Variants in UNC5C observed in about 807,000 individuals in gnomAD.
UNC5C encodes the protein unc-5 netrin receptor C.
Under a neutral mutation model 99.8 loss-of-function variants are expected in UNC5C, and 47 were observed. The ratio of observed to expected loss-of-function variants is 0.47; its 90% CI spans 0.37 to 0.60. The LOEUF (loss-of-function observed/expected upper bound fraction) is 0.60, where lower values mean the gene tolerates loss of function less well. Among genes scored for constraint, UNC5C ranks in the 20% least tolerant of loss-of-function variants. The pLI is 0.00. For synonymous variants in UNC5C, 487 were observed against 452.2 expected (o/e 1.08, Z -0.98); for missense variants, 1,062 against 1,165.9 (o/e 0.91, Z 1.30).
rs1207191020 is a variant in UNC5C at position 95,168,005 on chromosome 4, G to A, written c.*1229C>T. On this transcript the variant is annotated 3_prime_UTR_variant, in exon 16 of 16. Transcript: ENST00000453304. The stretch of plus-strand genomic sequence containing the variant: ...AAGGTGGCGCAACAAGACAGTGACA[G>A]ACCCACAATGAGAACTGGTTTCTTG... 1 of 152,186 alleles carries A rather than the reference G, an allele frequency of 6.6e-6. No individual in the cohort carries two copies. The allele number at this position is 152,186 out of a possible 1,614,324, so 9.4% of individuals were successfully genotyped here.
At chr4:95,496,745 G>T (rs767397559) in intron 1 of UNC5C, among the ~76,000 whole-genome samples, 1 of 151,756 alleles carries the variant, frequency 6.6e-6, no homozygotes, top group Non-Finnish European at 1.5e-5. Context: ...ACATGGATAA[G>T]TTCTTTAATG....
At chr4:95,202,336 A>T (rs1246827912) in intron 12 of UNC5C, among the ~76,000 whole-genome samples, 1 of 152,250 alleles carries the variant, frequency 6.6e-6, no homozygotes, top group Admixed American at 6.5e-5. Context: ...CATAAAAAGA[A>T]TAGGAAAGCA....
intron 1 of UNC5C, among the ~76,000 whole-genome samples, chr4:95,487,832 T>C (rs1721369244): frequency 6.6e-6 from 1 of 151,810 alleles, no homozygotes; most frequent in South Asian, 2.1e-4. Context: ...CTTAGTTTCT[T>C]ATAAGGAAAT....
intron 4 of UNC5C, among the ~76,000 whole-genome samples, chr4:95,270,045 A>C: frequency 6.6e-6 from 1 of 152,140 alleles, no homozygotes; most frequent in East Asian, 1.9e-4. Flanking sequence ...AGACATTGAT[A>C]GCTAATACTC....
chr4:95,193,178 A>C (rs1036169700), intron 12 of UNC5C, among the ~76,000 whole-genome samples: 6 of 152,172 alleles, frequency 3.9e-5, no homozygotes, highest in African/African-American at 1.4e-4. Flanking sequence ...CATTGGCTGG[A>C]TTTACTGCTG....
At chr4:95,329,523 G>A (rs1743030856) in intron 2 of UNC5C, among the ~76,000 whole-genome samples, 1 of 152,054 alleles carries the variant, frequency 6.6e-6, no homozygotes, top group Non-Finnish European at 1.5e-5. Context: ...AAGAAATTAT[G>A]CCTTTAATCA....
chr4:95,242,412 T>G lies in UNC5C; in HGVS notation c.1108+17A>C, dbSNP rs201376636. On this transcript the variant is annotated intron_variant, in intron 7 of 15. Transcript: ENST00000453304. ...TCCAGCCCCCTCAATGTCTGCAGTT[T>G]GCTTAAATTGACTTACTCTGCATGC... 6.2e-7 allele frequency: 1 copy of G among 1,614,040 alleles called. No individual in the cohort carries two copies. The highest frequency in any genetic ancestry group is 1.1e-5 in the South Asian group (1 of 91,070).
At chr4:95,196,220 A>T (rs3775058) in intron 12 of UNC5C, among the ~76,000 whole-genome samples, 114,066 of 152,058 alleles carry the variant, frequency 0.75, 43,217 homozygotes, top group Middle Eastern at 0.88. Flanking sequence ...GATTTAAGTC[A>T]TTGCAAATAA....
chr4:95,267,110 T>A (rs1740477853), intron 4 of UNC5C, among the ~76,000 whole-genome samples: 1 of 152,212 alleles, frequency 6.6e-6, no homozygotes, highest in South Asian at 2.1e-4. Flanking sequence ...ATCAAAAGTT[T>A]TAGAATTATA....
chr4:95,299,788 T>C (rs1481267901), intron 3 of UNC5C, among the ~76,000 whole-genome samples: 2 of 152,168 alleles, frequency 1.3e-5, no homozygotes, highest in African/African-American at 4.8e-5. Context: ...TCCACCCCCA[T>C]GATTCAGTTA....
chr4:95,480,778 T>G (rs1721125370), intron 1 of UNC5C, among the ~76,000 whole-genome samples: 1 of 152,064 alleles, frequency 6.6e-6, no homozygotes, highest in Non-Finnish European at 1.5e-5. Flanking sequence ...TCTCAATAGA[T>G]GCAGAAAAGG....
chr4:95,184,910 A>G, intron 13 of UNC5C, 137 bp downstream of exon 13: 1 of 1,023,866 alleles, frequency 9.8e-7, no homozygotes, highest in Non-Finnish European at 1.3e-6. Context: ...AAAATCCTAA[A>G]TAACCCCAAA....
At chr4:95,537,351 T>C (rs1440987222) in intron 1 of UNC5C, among the ~76,000 whole-genome samples, 4 of 152,126 alleles carry the variant, frequency 2.6e-5, no homozygotes, top group Non-Finnish European at 5.9e-5. Context: ...GCTTCACTAA[T>C]GGTCTGATAA....
At chr4:95,409,551 C>T (rs912228246) in intron 1 of UNC5C, among the ~76,000 whole-genome samples, 2 of 152,304 alleles carry the variant, frequency 1.3e-5, no homozygotes, top group African/African-American at 4.8e-5. Context: ...ATTGCATTCA[C>T]AATTGCCTTT....
chr4:95,420,219 T>C (rs1279280156), intron 1 of UNC5C, among the ~76,000 whole-genome samples: 1 of 152,184 alleles, frequency 6.6e-6, no homozygotes, highest in Admixed American at 6.5e-5. Flanking sequence ...TGATGAAAGC[T>C]CATTGAACAA....
intron 1 of UNC5C, among the ~76,000 whole-genome samples, chr4:95,439,761 C>A (rs1448626646): frequency 6.6e-6 from 1 of 152,030 alleles, no homozygotes; most frequent in Admixed American, 6.6e-5. Context: ...AATGAATATT[C>A]CCATTTAGAC....
chr4:95,222,523 T>C (rs772574984), intron 7 of UNC5C, among the ~76,000 whole-genome samples: 32 of 152,320 alleles, frequency 2.1e-4, no homozygotes, highest in Middle Eastern at 3.4e-3. Flanking sequence ...TTAAAGTCTT[T>C]CTTTTATTGA....
At chr4:95,532,908 T>TAAAA (rs201644746) in intron 1 of UNC5C, among the ~76,000 whole-genome samples, 2 of 136,844 alleles carry the variant, frequency 1.5e-5, no homozygotes, top group East Asian at 2.1e-4. Flanking sequence ...TTAGTAAAGC[T>TAAAA]AAAAAAAAAA....
At chr4:95,336,043 A>G (rs1227653589) in intron 1 of UNC5C, among the ~76,000 whole-genome samples, 4 of 151,946 alleles carry the variant, frequency 2.6e-5, no homozygotes, top group Admixed American at 6.6e-5. Flanking sequence ...AGGCTCATAG[A>G]TAAAGCTTAC....
Sources: allele counts gnomAD v4.1 joint callset (sites outside exome capture counted in the v4.1 genomes callset), GRCh38; gene constraint gnomAD v4.1.1; transcripts MANE v1.5; gene names NCBI Gene and HGNC (gene_info 2026-07-23, HGNC 2026-07-21).